The following HTRA1 variants were observed in gnomAD, a reference collection of about 807,000 sequenced individuals.
HTRA1 encodes serine protease HTRA1.
HTRA1 carries 26 observed loss-of-function variants against 49.7 expected under a neutral mutation model. The observed-to-expected ratio is 0.52, with a 90% confidence interval of 0.38 to 0.73. The LOEUF (loss-of-function observed/expected upper bound fraction) is 0.73. Ranked by LOEUF, HTRA1 falls within the 30% of genes least tolerant of loss-of-function variation. The pLI, the probability that HTRA1 is intolerant of heterozygous loss-of-function variation, is 0.00. For synonymous variants in HTRA1, 291 were observed against 286.9 expected (o/e 1.01, Z -0.14); for missense variants, 561 against 667.2 (o/e 0.84, Z 1.75).
intron 8 of HTRA1, among the ~76,000 whole-genome samples, chr10:122,513,854 A>C (rs944415807): frequency 6.7e-6 from 1 of 150,062 alleles, no homozygotes; most frequent in Non-Finnish European, 1.5e-5. Context: ...TCAGCCTCTG[A>C]GTAGCTGGGA....
chr10:122,482,983 G>A (rs1196816227), intron 1 of HTRA1, among the ~76,000 whole-genome samples: 1 of 143,162 alleles, frequency 7.0e-6, no homozygotes, highest in African/African-American at 2.6e-5. Flanking sequence ...GAGAAACACA[G>A]ATAAAAGCCT....
At chr10:122,475,353 A>G (rs2097487955) in intron 1 of HTRA1, among the ~76,000 whole-genome samples, 1 of 152,162 alleles carries the variant, frequency 6.6e-6, no homozygotes, top group South Asian at 2.1e-4. Context: ...TGGAAGTGCC[A>G]ATGTGTGCTG....
At position 122,491,161 on chromosome 10, in the gene HTRA1, G is replaced by A. The variant is rs995810272; in HGVS notation, c.777+1535G>A. On this transcript the variant is annotated intron_variant, in intron 3 of 8. Coordinates refer to ENST00000368984, the MANE Select transcript of HTRA1 (RefSeq NM_002775.5). ...TTTTCACCTAATCTGCATAATAGCT[G>A]TGTTATCCCCATTTTAGAGAAGAAG... Among the ~76,000 whole-genome samples, 5 of 152,220 alleles carry A rather than the reference G, an allele frequency of 3.3e-5. 1 individual carries two copies. The highest frequency in any genetic ancestry group is 3.3e-4 in the Admixed American group (5 of 15,280).
chr10:122,472,332 T>G (rs915123572), intron 1 of HTRA1, among the ~76,000 whole-genome samples: 4 of 150,240 alleles, frequency 2.7e-5, no homozygotes, highest in African/African-American at 7.3e-5. Context: ...GATTCATATT[T>G]CACCATCATC....
chr10:122,470,311 G>A (rs2097485573), intron 1 of HTRA1, among the ~76,000 whole-genome samples: 1 of 152,074 alleles, frequency 6.6e-6, no homozygotes, highest in Admixed American at 6.6e-5. Context: ...TCTACAACAG[G>A]GGGACAATGA....
rs1008087707 is a variant in HTRA1 at position 122,464,254 on chromosome 10, C to A, written c.472+2130C>A. On this transcript the variant is annotated intron_variant, in intron 1 of 8. Transcript: ENST00000368984. This position sits in a 1 kb window ranked among gnomAD's most constrained non-coding sequence, Gnocchi z 4.8. ...GCCGCCTAATTTATTGCTAGTGAGG[C>A]AAGTTGCTTAACAAGTTTTGGAGTT... Among the ~76,000 whole-genome samples the A allele has an allele frequency of 2.6e-5, 4 of 152,166 alleles. No individual in the cohort carries two copies. Among genetic ancestry groups the A allele is most frequent in the Admixed American group, 2.0e-4 (3 of 15,282 alleles).
Position 122,488,912 on chromosome 10 carries a change from T to G in HTRA1, c.483T>G (p.Asp161Glu). ...QRGACGQGQEDPNSLRHKYNF... is the reference protein window; with the variant it reads ...QRGACGQGQEEPNSLRHKYNF... ...TGCTTTTGTTCTCAGGGCAGGAAGA[T>G]CCCAACAGTTTGCGCCATAAATATA... The change falls in exon 2 of 9, where the codon GAT becomes GAG. Residue 161 changes from aspartate (D) to glutamate (E), a missense_variant. Around this residue, in one of 3 missense-constraint regions of HTRA1, gnomAD observed 271 missense variants for 410.0 expected, o/e 0.66. Transcript: ENST00000368984. 6.2e-7 allele frequency: 1 copy of G among 1,614,012 alleles called. No individual in the cohort carries two copies. Among genetic ancestry groups the G allele is most frequent in the Non-Finnish European group, 8.5e-7 (1 of 1,179,838 alleles).
In HTRA1 at chr10:122,488,978, G is replaced by T. The variant is rs2097494432; in HGVS notation, c.549G>T (p.Val183=). The change falls in exon 2 of 9, where the codon GTG becomes GTT. Residue 183 remains valine (V), a synonymous_variant. Transcript: ENST00000368984. ...TGGTGGAGAAGATCGCCCCTGCCGT[G>T]GTTCATATCGAATTGTTTCGCAAGT... ...ADVVEKIAPA[V]VHIELFRKLP... 6.2e-7 allele frequency: 1 copy of T among 1,613,844 alleles called. No homozygotes were observed. The highest frequency in any genetic ancestry group is 8.5e-7 in the Non-Finnish European group (1 of 1,179,774).
At position 122,494,374 on chromosome 10, in the gene HTRA1, A is replaced by C. The variant is rs1811826204; in HGVS notation, c.777+4748A>C. ...GAAGGCACCCGGGGCTCCTGCATCGAGCTTCCCTCCTATATTCAATGAGGA... is the reference window on the plus strand; with the variant it reads ...GAAGGCACCCGGGGCTCCTGCATCGCGCTTCCCTCCTATATTCAATGAGGA... On this transcript the variant is annotated intron_variant, in intron 3 of 8. Transcript: ENST00000368984. The surrounding 1 kb of genome is among the most constrained non-coding windows in gnomAD (Gnocchi z 4.0). 6.6e-6 allele frequency among the ~76,000 whole-genome samples: 1 copy of C among 152,062 alleles called. No homozygotes were observed. The highest frequency in any genetic ancestry group is 2.4e-5 in the African/African-American group (1 of 41,418).
chr10:122,470,308 CAG>C (rs889272057), intron 1 of HTRA1, among the ~76,000 whole-genome samples: 41 of 152,190 alleles, frequency 2.7e-4, no homozygotes, highest in African/African-American at 9.6e-4. Flanking sequence ...TCATCTACAA[CAG>C]GGGGACAATG....
intron 1 of HTRA1, among the ~76,000 whole-genome samples, chr10:122,485,939 G>A (rs1051580464): frequency 6.6e-6 from 1 of 152,198 alleles, no homozygotes; most frequent in Non-Finnish European, 1.5e-5. Context: ...GCCCAGATGC[G>A]TTTGTTTACA....
In HTRA1 at chr10:122,510,499, A is replaced by G. The variant is rs150402732; in HGVS notation, c.1178+346A>G. On this transcript the variant is annotated intron_variant, in intron 7 of 8. Coordinates refer to ENST00000368984, the MANE Select transcript of HTRA1 (RefSeq NM_002775.5). ...CTTCCTTACCCCACATTCTGTTGAA[A>G]CCCACATTCCAGGAGGGCCCCAAGC... Among the ~76,000 whole-genome samples the G allele has an allele frequency of 1.8e-3, 275 of 152,012 alleles. 1 individual carries two copies. The highest frequency in any genetic ancestry group is 6.4e-3 in the African/African-American group (264 of 41,446).
rs991941025 is a variant in HTRA1, at chr10:122,487,601, C to T, written c.473-1301C>T. On this transcript the variant is annotated intron_variant, in intron 1 of 8. Transcript: ENST00000368984. This position sits in a 1 kb window ranked among gnomAD's most constrained non-coding sequence, Gnocchi z 4.8. ...GTGGGGCCACTCACTGTAATATAAACGGTCATGCATCACTGAGCAACAGGG... is the reference window on the plus strand; with the variant it reads ...GTGGGGCCACTCACTGTAATATAAATGGTCATGCATCACTGAGCAACAGGG... Among the ~76,000 whole-genome samples, 7 of 152,290 alleles carry T rather than the reference C, an allele frequency of 4.6e-5. No homozygotes were observed. Among genetic ancestry groups the T allele is most frequent in the African/African-American group, 1.4e-4 (6 of 41,562 alleles).
At chr10:122,503,123 G>A (rs565393935) in intron 3 of HTRA1, among the ~76,000 whole-genome samples, 2 of 152,344 alleles carry the variant, frequency 1.3e-5, no homozygotes, top group Non-Finnish European at 2.9e-5. Flanking sequence ...TTTGCTGTGG[G>A]TGGCGCGGGA....
chr10:122,471,655 G>A (rs1422925486), intron 1 of HTRA1, among the ~76,000 whole-genome samples: 1 of 152,164 alleles, frequency 6.6e-6, no homozygotes, highest in East Asian at 1.9e-4. Flanking sequence ...CACTTCACAG[G>A]TGGGGAAACT....
At chr10:122,471,763 T>A (rs893100630) in intron 1 of HTRA1, among the ~76,000 whole-genome samples, 4 of 152,326 alleles carry the variant, frequency 2.6e-5, no homozygotes, top group African/African-American at 9.6e-5. Flanking sequence ...GCTGAGCCTT[T>A]GAGCCCTCCG....
intron 1 of HTRA1, among the ~76,000 whole-genome samples, chr10:122,471,700 G>T (rs1178827724): frequency 6.6e-6 from 1 of 152,208 alleles, no homozygotes; most frequent in Non-Finnish European, 1.5e-5. Context: ...CTCACAAGCT[G>T]CACAGCTCAT....
chr10:122,468,610 A>T (rs2097484812), intron 1 of HTRA1, among the ~76,000 whole-genome samples: 1 of 152,152 alleles, frequency 6.6e-6, no homozygotes, highest in Non-Finnish European at 1.5e-5. Flanking sequence ...AATATGTTGG[A>T]AAAGGTTCTC....
chr10:122,472,076 T>C (rs1280959348), intron 1 of HTRA1, among the ~76,000 whole-genome samples: 1 of 152,162 alleles, frequency 6.6e-6, no homozygotes, highest in Non-Finnish European at 1.5e-5. Flanking sequence ...AGTATAAATA[T>C]CATGGTGGAC....
Sources: allele counts gnomAD v4.1 joint callset (sites outside exome capture counted in the v4.1 genomes callset), GRCh38; gene constraint gnomAD v4.1.1; regional missense constraint gnomAD v4.1.1; non-coding constraint Gnocchi (gnomAD v3.1); transcripts MANE v1.5; gene names NCBI Gene and HGNC (gene_info 2026-07-23, HGNC 2026-07-21).